The following LARS2 variants were observed in gnomAD, a reference collection of about 807,000 sequenced individuals.
LARS2 encodes the protein leucyl-tRNA synthetase 2, mitochondrial, also known as leucine--tRNA ligase, mitochondrial.
A neutral mutation model predicts 116.6 loss-of-function variants in LARS2; 81 were observed. That is an observed-to-expected ratio of 0.69 (90% confidence interval 0.58 to 0.84). The LOEUF (loss-of-function observed/expected upper bound fraction) is 0.84. Ranked by LOEUF, LARS2 falls within the 40% of genes least tolerant of loss-of-function variation. LARS2 has a pLI of 0.00. For missense variants in LARS2, 968 were observed against 1,114.5 expected (o/e 0.87, Z 1.87); for synonymous variants, 396 against 407.2 (o/e 0.97, Z 0.33).
At chr3:45,457,344 A>G (rs574869065) in intron 7 of LARS2, among the ~76,000 whole-genome samples, 9 of 152,204 alleles carry the variant, frequency 5.9e-5, no homozygotes, top group African/African-American at 1.7e-4. Context: ...GGAGGGGCAA[A>G]TGGGTAATAG....
intron 10 of LARS2, among the ~76,000 whole-genome samples, chr3:45,481,478 A>G (rs1559482662): frequency 2.6e-5 from 4 of 152,190 alleles, no homozygotes; most frequent in Admixed American, 2.0e-4. Flanking sequence ...GTGTATGAGA[A>G]TTCCAGTTTC....
intron 7 of LARS2, among the ~76,000 whole-genome samples, chr3:45,452,062 A>G (rs748741731): frequency 1.3e-5 from 2 of 152,100 alleles, no homozygotes; most frequent in Admixed American, 6.5e-5. Context: ...TACTAAATTC[A>G]TTTATCAAGT....
intron 6 of LARS2, among the ~76,000 whole-genome samples, chr3:45,427,888 C>T (rs1050280291): frequency 3.3e-5 from 5 of 149,378 alleles, no homozygotes; most frequent in African/African-American, 5.0e-5. Flanking sequence ...ATGGCACGAT[C>T]TTGGCTCACT....
chr3:45,446,389 A>G (rs1031943549), intron 6 of LARS2, among the ~76,000 whole-genome samples: 14 of 152,236 alleles, frequency 9.2e-5, no homozygotes, highest in African/African-American at 3.4e-4. Flanking sequence ...ACATAATGGA[A>G]TAAATGGAAT....
At chr3:45,431,460 C>T (rs554901548) in intron 6 of LARS2, among the ~76,000 whole-genome samples, 1 of 152,224 alleles carries the variant, frequency 6.6e-6, no homozygotes, top group African/African-American at 2.4e-5. Flanking sequence ...TAAAAAACAA[C>T]TATTACTTTA....
intron 14 of LARS2, among the ~76,000 whole-genome samples, chr3:45,499,966 C>CAT (rs1482255948): frequency 2.6e-5 from 4 of 151,918 alleles, no homozygotes; most frequent in Non-Finnish European, 4.4e-5. Flanking sequence ...AAGCTTTTCT[C>CAT]ATATATATAT....
At chr3:45,474,217 T>A in intron 8 of LARS2, 26 bp from the exon 9 acceptor site, 1 of 1,486,304 alleles carries the variant, frequency 6.7e-7, no homozygotes, top group Non-Finnish European at 9.3e-7. Context: ...TGCCTCTACT[T>A]CTTTGTTCTC....
At chr3:45,517,167 G>A (rs1050590355) in intron 17 of LARS2, among the ~76,000 whole-genome samples, 1 of 152,228 alleles carries the variant, frequency 6.6e-6, no homozygotes, top group African/African-American at 2.4e-5. Context: ...ACAGACAGGT[G>A]GAGGTTCTGG....
chr3:45,523,226 G>T (rs190605388), intron 19 of LARS2, among the ~76,000 whole-genome samples: 6 of 152,324 alleles, frequency 3.9e-5, no homozygotes, highest in African/African-American at 1.4e-4. Flanking sequence ...ATGTTTGCCG[G>T]AATTGACCAA....
chr3:45,491,882 G>T, intron 13 of LARS2, 82 bp downstream of exon 13: 1 of 1,328,892 alleles, frequency 7.5e-7, no homozygotes, highest in Non-Finnish European at 1.0e-6. Flanking sequence ...CTCCCTCCTG[G>T]TGCTAACTCT....
At chr3:45,406,882 AGC>A (rs1012266175) in intron 4 of LARS2, among the ~76,000 whole-genome samples, 71 of 152,342 alleles carry the variant, frequency 4.7e-4, no homozygotes, top group African/African-American at 1.7e-3. Flanking sequence ...TTTAAAACTT[AGC>A]TCCATATGGT....
At chr3:45,430,618 C>G (rs561580753) in intron 6 of LARS2, among the ~76,000 whole-genome samples, 1 of 100,424 alleles carries the variant, frequency 1.0e-5, no homozygotes, top group East Asian at 3.3e-4. Context: ...AGAGTCTCGC[C>G]CTGTGGCCCA....
chr3:45,453,125 C>A (rs186875935), intron 7 of LARS2, among the ~76,000 whole-genome samples: 34 of 151,764 alleles, frequency 2.2e-4, no homozygotes, highest in African/African-American at 8.0e-4. Flanking sequence ...ATTTTATTGG[C>A]CTTTTTCTTT....
chr3:45,532,472 T>C (rs1360600738), intron 20 of LARS2, among the ~76,000 whole-genome samples: 1 of 152,228 alleles, frequency 6.6e-6, no homozygotes, highest in Admixed American at 6.5e-5. Flanking sequence ...AGACTTAATA[T>C]ACCATTAAAT....
At chr3:45,441,559 C>G (rs537459640) in intron 6 of LARS2, among the ~76,000 whole-genome samples, 3 of 152,332 alleles carry the variant, frequency 2.0e-5, no homozygotes, top group South Asian at 4.1e-4. Flanking sequence ...CTCCCAGGCT[C>G]TTTCCTGGAG....
chr3:45,527,587 G>A (rs892709912), intron 20 of LARS2, among the ~76,000 whole-genome samples: 3 of 151,302 alleles, frequency 2.0e-5, no homozygotes, highest in Admixed American at 2.0e-4. Context: ...TCACACCACT[G>A]CACTCCAGCC....
intron 20 of LARS2, 70 bp from the exon 21 acceptor site, chr3:45,541,759 C>T (rs1700799465): frequency 1.9e-6 from 3 of 1,570,212 alleles, no homozygotes; most frequent in South Asian, 2.4e-5. Context: ...GGGATGGAAG[C>T]TTTGGTCCTG....
At chr3:45,527,536 A>G (rs551884166) in intron 20 of LARS2, among the ~76,000 whole-genome samples, 2 of 152,142 alleles carry the variant, frequency 1.3e-5, no homozygotes, top group South Asian at 2.1e-4. Flanking sequence ...AGGCAGGAGA[A>G]TGGCATGAAC....
chr3:45,513,941 C>T (rs956757885), intron 16 of LARS2, among the ~76,000 whole-genome samples: 17 of 152,168 alleles, frequency 1.1e-4, no homozygotes, highest in Non-Finnish European at 1.0e-4. Context: ...TGTGGTAGCT[C>T]ACGCCTGTAA....
Sources: gnomAD v4.1 joint callset for allele counts (sites outside exome capture counted in the v4.1 genomes callset) on GRCh38, gnomAD v4.1.1 for gene constraint, MANE v1.5 for transcripts, NCBI Gene and HGNC (gene_info 2026-07-23, HGNC 2026-07-21) for gene names.